GALNT14: variants seen among roughly 807,000 people sequenced by gnomAD.
GALNT14 encodes UDP-GalNAc:polypeptide N-acetylgalactosaminyltransferase 14.
In GALNT14, 60 loss-of-function variants were observed where a neutral mutation model predicts 77.5. The observed-to-expected ratio is 0.77, with a 90% CI of 0.63 to 0.96. GALNT14 has a LOEUF of 0.96. Among genes scored for constraint, GALNT14 ranks in the 40% least tolerant of loss-of-function variants. GALNT14 has a pLI of 0.00. For missense variants in GALNT14, 710 were observed against 731.0 expected, an observed-to-expected ratio of 0.97 and a Z score of 0.33; for synonymous variants, 280 against 281.7, an observed-to-expected ratio of 0.99 and a Z score of 0.06.
At chr2:31,083,318 T>TC (rs1201728409) in intron 1 of GALNT14, among the ~76,000 whole-genome samples, 3 of 152,148 alleles carry the variant, frequency 2.0e-5, no homozygotes, top group Non-Finnish European at 4.4e-5. Flanking sequence ...CACCACACGT[T>TC]CTTGGATATA....
At chr2:30,968,103 G>A (rs1049467182) in intron 2 of GALNT14, among the ~76,000 whole-genome samples, 12 of 152,152 alleles carry the variant, frequency 7.9e-5, no homozygotes, top group South Asian at 4.1e-4. Context: ...CGCAGTTCTC[G>A]TGATGAGACT....
chr2:30,992,976 T>A lies in GALNT14; in HGVS notation c.161A>T (p.Asp54Val), dbSNP rs1477659980. 1.2e-6 allele frequency: 2 copies of A among 1,613,970 alleles called. No homozygotes were observed. Among genetic ancestry groups the A allele is most frequent in the Admixed American group, 1.7e-5 (1 of 59,996 alleles). The stretch of plus-strand genomic sequence containing the variant: ...CAGATACCGCCGCTCATCAAACTGG[T>A]CCCACAGGTCGTCCCAGTCAGCGTC... ...PSDADWDDLW[D>V]QFDERRYLNA... The change falls in exon 2 of 15, where the codon GAC becomes GTC. Residue 54 changes from aspartate to valine, a missense_variant. Asp to Val is a radical substitution (Grantham distance 152). Coordinates refer to ENST00000349752, the MANE Select transcript of GALNT14 (RefSeq NM_024572.4).
chr2:31,084,844 G>T (rs1676337458), intron 1 of GALNT14, among the ~76,000 whole-genome samples: 1 of 152,096 alleles, frequency 6.6e-6, no homozygotes, highest in African/African-American at 2.4e-5. Flanking sequence ...AGCCAACATG[G>T]TGAAACCCCA....
chr2:30,907,270 A>G (rs184565905), downstream of GALNT14, among the ~76,000 whole-genome samples: 1 of 152,358 alleles, frequency 6.6e-6, no homozygotes, highest in Admixed American at 6.5e-5. Context: ...TGATTCCAGG[A>G]GCTGGTTTTT....
rs558746164 is a variant in GALNT14 at position 30,942,148 on chromosome 2, A to G, written c.931+53T>C. 5 of 1,339,750 alleles carry G rather than the reference A, an allele frequency of 3.7e-6. No individual in the cohort carries two copies. The African/African-American group carries it at 7.2e-5, about 19-fold the overall frequency. The allele number at this position is 1,339,750 out of a possible 1,614,324, so 83.0% of individuals were successfully genotyped here. ...CAAAACCACAGAGGTCCCCGCCCCA[A>G]TCCCCAGGGTGTATAGAACAGCATA... On this transcript the variant is annotated intron_variant, in intron 9 of 14. Coordinates refer to ENST00000349752, the MANE Select transcript of GALNT14 (RefSeq NM_024572.4).
intron 1 of GALNT14, among the ~76,000 whole-genome samples, chr2:31,118,346 G>GA (rs1243148502): frequency 6.6e-6 from 1 of 152,052 alleles, no homozygotes; most frequent in African/African-American, 2.4e-5. Context: ...TCCAACTTAT[G>GA]AAAATAGATG....
chr2:31,045,662 C>T (rs1324659940), intron 1 of GALNT14, among the ~76,000 whole-genome samples: 2 of 152,012 alleles, frequency 1.3e-5, no homozygotes, highest in Non-Finnish European at 1.5e-5. Context: ...AGGGTTTCAC[C>T]ATGTTGGCCA....
At chr2:30,889,560 C>T in the GALNT14 span, among the ~76,000 whole-genome samples, 1 of 152,194 alleles carries the variant, frequency 6.6e-6, no homozygotes, top group Non-Finnish European at 1.5e-5. Flanking sequence ...CTCATGACCA[C>T]CTTGTGGGTG....
At chr2:30,964,736 C>T (rs909943835) in intron 3 of GALNT14, among the ~76,000 whole-genome samples, 12 of 152,144 alleles carry the variant, frequency 7.9e-5, no homozygotes, top group Admixed American at 2.0e-4. Context: ...CAGGTCCCTC[C>T]CTATGTCTCT....
intron 10 of GALNT14, among the ~76,000 whole-genome samples, chr2:30,931,676 C>T (rs1265198844): frequency 6.6e-6 from 1 of 152,108 alleles, no homozygotes; most frequent in Admixed American, 6.5e-5. Context: ...AGACCTCTCC[C>T]CTAGTGACCC....
the GALNT14 span, among the ~76,000 whole-genome samples, chr2:30,902,719 G>A: frequency 4.6e-5 from 7 of 152,132 alleles, no homozygotes; most frequent in South Asian, 2.1e-4. Context: ...TTAGGAAAAC[G>A]CCCACTGAGA....
chr2:31,100,105 T>C (rs895544058), intron 1 of GALNT14, among the ~76,000 whole-genome samples: 1 of 152,062 alleles, frequency 6.6e-6, no homozygotes, highest in African/African-American at 2.4e-5. Flanking sequence ...TTAGTTCTTT[T>C]ACATTTCTTG....
In GALNT14 at chr2:30,977,092, C is replaced by CTTTTTTTTTTTTTTTTTTTTTTTT. The variant is rs11314175; in HGVS notation, c.300-10791_300-10790insAAAAAAAAAAAAAAAAAAAAAAAA. ...CTTTATTCCATATTGGCTTTTCTGT[C>CTTTTTTTTTTTTTTTTTTTTTTTT]TTTTTTTTTTTTTTTGAGACAGGGT... On this transcript the variant is annotated intron_variant, in intron 2 of 14. Coordinates refer to ENST00000349752, the MANE Select transcript of GALNT14 (RefSeq NM_024572.4). Among the ~76,000 whole-genome samples the CTTTTTTTTTTTTTTTTTTTTTTTT allele has an allele frequency of 3.8e-4, 52 of 135,102 alleles. 3 individuals are homozygous for CTTTTTTTTTTTTTTTTTTTTTTTT. The highest frequency in any genetic ancestry group is 1.5e-3 in the African/African-American group (49 of 32,594). The allele number at this position is 135,102 out of a possible 152,430, so 88.6% of individuals were successfully genotyped here. A position where few individuals can be genotyped will look rare whatever the true frequency, so the allele number is the denominator to read the frequency against.
intron 3 of GALNT14, among the ~76,000 whole-genome samples, chr2:30,958,758 T>C (rs984745637): frequency 1.3e-5 from 2 of 152,176 alleles, no homozygotes; most frequent in African/African-American, 4.8e-5. Context: ...CTGGCTGGTT[T>C]GACTGGAAAA....
chr2:30,888,625 G>A, the GALNT14 span, among the ~76,000 whole-genome samples: 3 of 152,122 alleles, frequency 2.0e-5, no homozygotes, highest in African/African-American at 7.2e-5. Context: ...TTTCCTAGAT[G>A]TAGGGTTGGG....
chr2:30,987,270 G>C lies in GALNT14; in HGVS notation c.299+5568C>G, dbSNP rs751212142. 2.9e-4 allele frequency among the ~76,000 whole-genome samples: 44 copies of C among 152,238 alleles called. 1 individual carries two copies. The South Asian group carries it at 3.1e-3, about 11-fold the overall frequency. ...CACATCAAATGCATGTAAGGGGTGAGGTGGGCATGGGAAGGTTGCTAAGCC... is the reference window on the plus strand; with the variant it reads ...CACATCAAATGCATGTAAGGGGTGACGTGGGCATGGGAAGGTTGCTAAGCC... On this transcript the variant is annotated intron_variant, in intron 2 of 14. Coordinates refer to ENST00000349752, the MANE Select transcript of GALNT14 (RefSeq NM_024572.4).
intron 1 of GALNT14, among the ~76,000 whole-genome samples, chr2:30,996,506 C>T (rs913881025): frequency 2.0e-5 from 3 of 152,198 alleles, no homozygotes; most frequent in African/African-American, 7.2e-5. Context: ...GGGGCAGGCA[C>T]GCATGACGAC....
chr2:30,919,575 C>A (rs1664911134), intron 13 of GALNT14, among the ~76,000 whole-genome samples: 1 of 152,198 alleles, frequency 6.6e-6, no homozygotes, highest in South Asian at 2.1e-4. Context: ...GCAAAAGGAC[C>A]AAGCCTTATT....
In GALNT14 at chr2:31,115,237, C is replaced by T. The variant is rs111314025; in HGVS notation, c.129+22721G>A. Among the ~76,000 whole-genome samples the T allele has an allele frequency of 1.2e-3, 188 of 151,728 alleles. 1 individual carries two copies. Among genetic ancestry groups the T allele is most frequent in the Non-Finnish European group, 2.4e-3 (165 of 67,902 alleles). ...TTATACTCCAGACTGGGTGACAGAG[C>T]AAGACCCTGTTTCAAAAAAATTACA... On this transcript the variant is annotated intron_variant, in intron 1 of 14. Transcript: ENST00000349752.
Sources: allele counts gnomAD v4.1 joint callset (sites outside exome capture counted in the v4.1 genomes callset), GRCh38; gene constraint gnomAD v4.1.1; transcripts MANE v1.5; gene names NCBI Gene and HGNC (gene_info 2026-07-23, HGNC 2026-07-21).